The following FBXO28 variants were observed in gnomAD, a reference collection of about 807,000 sequenced individuals.
The protein encoded by FBXO28 is F-box protein 28.
A neutral mutation model predicts 38.1 loss-of-function variants in FBXO28; 8 were observed. The observed-to-expected ratio is 0.21, with a 90% confidence interval of 0.12 to 0.38. The LOEUF is 0.38. FBXO28 is among the 10% of genes least tolerant of loss of function. The pLI is 1.00. For synonymous variants in FBXO28, 168 were observed against 173.8 expected, an observed-to-expected ratio of 0.97 and a Z score of 0.26; for missense variants, 345 against 460.6, an observed-to-expected ratio of 0.75 and a Z score of 2.30.
chr1:224,133,946 G>A (rs1657117595), intron 2 of FBXO28, 128 bp from the exon 3 acceptor site: 1 of 600,268 alleles, frequency 1.7e-6, no homozygotes. Context: ...GTTAAATTAT[G>A]ACCCAACTGT....
chr1:224,130,775 C>A, intron 2 of FBXO28, 194 bp downstream of exon 2: 1 of 459,828 alleles, frequency 2.2e-6, no homozygotes, highest in Non-Finnish European at 3.9e-6. Flanking sequence ...AGGTTCTAGC[C>A]AGAGAAATTA....
intron 1 of FBXO28, among the ~76,000 whole-genome samples, chr1:224,128,162 C>T (rs1656948323): frequency 6.6e-6 from 1 of 151,798 alleles, no homozygotes; most frequent in African/African-American, 2.4e-5. Context: ...ATTTGTTGAT[C>T]GTTTGTGCTT....
intron 3 of FBXO28, among the ~76,000 whole-genome samples, chr1:224,145,563 A>G (rs557226777): frequency 9.7e-4 from 147 of 152,270 alleles, no homozygotes; most frequent in African/African-American, 3.4e-3. Flanking sequence ...ACCCTCATAT[A>G]TGGTTTGTCA....
Position 224,147,454 on chromosome 1 carries a change from A to G in FBXO28, c.517-5688A>G, listed in dbSNP as rs150976610. Among the ~76,000 whole-genome samples the G allele has an allele frequency of 3.9e-5, 6 of 151,946 alleles. No homozygotes were observed. In the East Asian group the frequency reaches 1.2e-3, roughly 29 times the overall value. On this transcript the variant is annotated intron_variant, in intron 3 of 4. Coordinates refer to ENST00000366862, the MANE Select transcript of FBXO28 (RefSeq NM_015176.4). ...AAAAAAGAGAAGAAAAACAATTTTTAAAACCACAGCTGTTTTTAAAATATG... is the reference window on the plus strand; with the variant it reads ...AAAAAAGAGAAGAAAAACAATTTTTGAAACCACAGCTGTTTTTAAAATATG...
chr1:224,155,368 T>G (rs1267839772), intron 4 of FBXO28, among the ~76,000 whole-genome samples: 2 of 152,060 alleles, frequency 1.3e-5, no homozygotes, highest in African/African-American at 4.8e-5. Context: ...GGTTTCACCA[T>G]GTTGTTCAGG....
Position 224,157,901 on chromosome 1 carries a change from C to T in FBXO28, c.*155C>T. On this transcript the variant is annotated 3_prime_UTR_variant, in exon 5 of 5. Coordinates refer to ENST00000366862, the MANE Select transcript of FBXO28 (RefSeq NM_015176.4). ...ACTCTTATGGTTGGGACATTCTTTT[C>T]CTGCTTCTCCTGATTGAACTGATGC... 2 of 1,420,624 alleles carry T rather than the reference C, an allele frequency of 1.4e-6. No homozygotes were observed. Among genetic ancestry groups the T allele is most frequent in the Non-Finnish European group, 1.8e-6 (2 of 1,094,480 alleles). 88.0% of individuals were successfully genotyped at this position (1,420,624 alleles called of 1,614,324 possible). A position where few individuals can be genotyped will look rare whatever the true frequency, so the allele number is the denominator to read the frequency against.
Position 224,159,242 on chromosome 1 carries a change from A to G in FBXO28, c.*1496A>G, listed in dbSNP as rs901278077. ...CCAGGTGGGAGCTTAACACCTGTATAAAACCTAAGGTTTTGGTAAGTACCT... is the reference window on the plus strand; with the variant it reads ...CCAGGTGGGAGCTTAACACCTGTATGAAACCTAAGGTTTTGGTAAGTACCT... On this transcript the variant is annotated 3_prime_UTR_variant, in exon 5 of 5. Transcript: ENST00000366862. 2 of 152,614 alleles carry G rather than the reference A, an allele frequency of 1.3e-5. No individual in the cohort carries two copies. Among genetic ancestry groups the G allele is most frequent in the Non-Finnish European group, 2.9e-5 (2 of 68,026 alleles). 9.5% of individuals were successfully genotyped at this position (152,614 alleles called of 1,614,324 possible). A position where few individuals can be genotyped will look rare whatever the true frequency, so the allele number is the denominator to read the frequency against.
At chr1:224,143,414 G>A (rs1017274937) in intron 3 of FBXO28, among the ~76,000 whole-genome samples, 5 of 152,136 alleles carry the variant, frequency 3.3e-5, no homozygotes, top group Non-Finnish European at 5.9e-5. Flanking sequence ...GTGTGGGTGT[G>A]AGGGTGCCCT....
intron 3 of FBXO28, among the ~76,000 whole-genome samples, chr1:224,137,374 T>C (rs930855553): frequency 6.6e-6 from 1 of 151,272 alleles, no homozygotes; most frequent in African/African-American, 2.4e-5. Context: ...AATACAAAAA[T>C]TAGCTGGGCG....
intron 1 of FBXO28, among the ~76,000 whole-genome samples, chr1:224,118,029 A>ATTTT (rs1392563427): frequency 1.6e-4 from 24 of 149,720 alleles, no homozygotes; most frequent in African/African-American, 5.7e-4. Flanking sequence ...TTATTTATTT[A>ATTTT]TTTTTAATTT....
intron 3 of FBXO28, among the ~76,000 whole-genome samples, chr1:224,147,646 CT>C (rs1294901942): frequency 6.6e-6 from 1 of 151,788 alleles, no homozygotes; most frequent in Non-Finnish European, 1.5e-5. Context: ...ACCCAAACCC[CT>C]GAGGATGCGG....
At chr1:224,132,824 C>G (rs1353993222) in intron 2 of FBXO28, among the ~76,000 whole-genome samples, 1 of 149,310 alleles carries the variant, frequency 6.7e-6, no homozygotes, top group Non-Finnish European at 1.5e-5. Flanking sequence ...AAAGAAAAAA[C>G]AATTTGGCTG....
At chr1:224,142,998 G>GAAAT (rs943260546) in intron 3 of FBXO28, among the ~76,000 whole-genome samples, 12 of 151,932 alleles carry the variant, frequency 7.9e-5, no homozygotes, top group Non-Finnish European at 1.5e-4. Flanking sequence ...AAGAGACTCT[G>GAAAT]AAATAAATAA....
chr1:224,134,113 T>G lies in FBXO28; in HGVS notation c.417T>G (p.His139Gln), dbSNP rs1230195065. Residue 139 changes from histidine (H) to glutamine (Q), a missense_variant, in exon 3 of 5, where the codon CAT becomes CAG. This residue lies in a region of FBXO28 where 56 missense variants were observed against 99.8 expected (regional missense o/e 0.56). Transcript: ENST00000366862. The part of the protein sequence containing the change: ...SERRNHSLAR[H>Q]ADILAAVETR... ...GGAGAAACCATTCATTAGCTCGTCA[T>G]GCAGACATTCTTGCTGCTGTTGAAA... The G allele has an allele frequency of 6.2e-7, 1 of 1,607,102 alleles. No homozygotes were observed. The highest frequency in any genetic ancestry group is 8.5e-7 in the Non-Finnish European group (1 of 1,176,878).
At position 224,114,342 on chromosome 1, in the gene FBXO28, C is replaced by T. The variant is rs1326824516; in HGVS notation, c.213C>T (p.Ala71=). 1 of 1,596,694 alleles carries T rather than the reference C, an allele frequency of 6.3e-7. No individual in the cohort carries two copies. ...NNTLVALPIV[A]IENILSFMSY... ...CGCTTGTGGCGCTGCCCATCGTAGC[C>T]ATCGAGAACATCCTCAGCTTTATGT... is the stretch of plus-strand genomic sequence containing the variant. The change falls in exon 1 of 5, where the codon GCC becomes GCT. Residue 71 remains alanine (A), a synonymous_variant. Transcript: ENST00000366862.
chr1:224,123,391 C>T (rs3820483), intron 1 of FBXO28, among the ~76,000 whole-genome samples: 59,212 of 140,710 alleles, frequency 0.42, 12,310 homozygotes, highest in East Asian at 0.58. Flanking sequence ...CTCAGTAAGC[C>T]GTGATCGTGC....
rs1429389268 is a variant in FBXO28, at chr1:224,160,116, A to G, written c.*2370A>G. On this transcript the variant is annotated 3_prime_UTR_variant, in exon 5 of 5. Coordinates refer to ENST00000366862, the MANE Select transcript of FBXO28 (RefSeq NM_015176.4). ...CTATTTAGCTAAAACATGTTAGGAT[A>G]TTGCCTTCACCACTTGTTAGGACAG... 3 of 152,192 alleles carry G rather than the reference A, an allele frequency of 2.0e-5. No individual in the cohort carries two copies. Among genetic ancestry groups the G allele is most frequent in the African/African-American group, 7.2e-5 (3 of 41,460 alleles). The allele number at this position is 152,192 out of a possible 1,614,324, so 9.4% of individuals were successfully genotyped here.
At chr1:224,118,140 T>G (rs1656688191) in intron 1 of FBXO28, among the ~76,000 whole-genome samples, 1 of 151,980 alleles carries the variant, frequency 6.6e-6, no homozygotes, top group Admixed American at 6.6e-5. Context: ...AGATGTGATT[T>G]CTCCATGTTG....
intron 1 of FBXO28, among the ~76,000 whole-genome samples, chr1:224,127,553 T>A (rs1656935724): frequency 6.6e-6 from 1 of 152,206 alleles, no homozygotes; most frequent in African/African-American, 2.4e-5. Context: ...TTTTTTTCAG[T>A]AGACACTGAA....
Sources: gnomAD v4.1 joint callset for allele counts (sites outside exome capture counted in the v4.1 genomes callset) on GRCh38, gnomAD v4.1.1 for gene constraint, gnomAD v4.1.1 regional missense constraint, MANE v1.5 for transcripts, NCBI Gene and HGNC (gene_info 2026-07-23, HGNC 2026-07-21) for gene names.